Variants in TLK2 observed in about 807,000 individuals in gnomAD.
TLK2 encodes the protein tousled like kinase 2.
Under a neutral mutation model 117.3 loss-of-function variants are expected in TLK2, and 6 were observed. That is an observed-to-expected ratio of 0.05 (90% CI 0.03 to 0.10). TLK2 has a LOEUF of 0.10. Ranked by LOEUF, TLK2 falls within the 10% of genes least tolerant of loss-of-function variation. The pLI is 1.00. For missense variants in TLK2, 299 were observed against 901.2 expected, an observed-to-expected ratio of 0.33 and a Z score of 8.56; for synonymous variants, 257 against 316.7, an observed-to-expected ratio of 0.81 and a Z score of 2.00.
chr17:62,527,417 A>T (rs2076436639), intron 6 of TLK2, among the ~76,000 whole-genome samples: 2 of 152,252 alleles, frequency 1.3e-5, no homozygotes, highest in Non-Finnish European at 2.9e-5. Context: ...CAAACTCTAC[A>T]AGCACAAGAA....
intron 7 of TLK2, among the ~76,000 whole-genome samples, chr17:62,540,423 T>TTTTTTTTTTTTTTTTTTTTAAA: frequency 7.7e-6 from 1 of 130,052 alleles, no homozygotes; most frequent in Non-Finnish European, 1.6e-5. Context: ...TTTTTTTTTT[T>TTTTTTTTTTTTTTTTTTTTAAA]GAGACAGAGT....
chr17:62,492,497 G>A (rs973039317), intron 2 of TLK2, among the ~76,000 whole-genome samples: 8 of 151,052 alleles, frequency 5.3e-5, no homozygotes, highest in African/African-American at 1.9e-4. Flanking sequence ...TTACTCTGTC[G>A]CCCAGGCTGG....
upstream of TLK2, among the ~76,000 whole-genome samples, chr17:62,474,767 TCCACTG>T (rs1389099180): frequency 6.6e-6 from 1 of 151,596 alleles, no homozygotes; most frequent in Admixed American, 6.6e-5. Context: ...GGTCAAGTGA[TCCACTG>T]CCTCGGCCTC....
intron 20 of TLK2, among the ~76,000 whole-genome samples, chr17:62,606,486 C>A (rs1342541438): frequency 6.6e-6 from 1 of 152,134 alleles, no homozygotes; most frequent in Non-Finnish European, 1.5e-5. Context: ...TTTTGCTGTT[C>A]TCAATTAGAT....
At chr17:62,581,542 G>C (rs1261219091) in intron 15 of TLK2, among the ~76,000 whole-genome samples, 1 of 150,138 alleles carries the variant, frequency 6.7e-6, no homozygotes, top group African/African-American at 2.5e-5. Flanking sequence ...GAGCTGAAGT[G>C]TACTCCCATC....
At chr17:62,477,016 G>C (rs2071068946), upstream of TLK2, among the ~76,000 whole-genome samples, 1 of 151,946 alleles carries the variant, frequency 6.6e-6, no homozygotes. Context: ...GCTTGAACCC[G>C]GGTGGCAGAG....
In TLK2 at chr17:62,615,028, T is replaced by C. The variant is rs1305306596; in HGVS notation, c.*2463T>C. 6.6e-6 allele frequency: 1 copy of C among 152,236 alleles called. No homozygotes were observed. Among genetic ancestry groups the C allele is most frequent in the Admixed American group, 6.5e-5 (1 of 15,282 alleles). The allele number at this position is 152,236 out of a possible 1,614,324, so 9.4% of individuals were successfully genotyped here. ...CTTTCTTTAAGCCTTCCCAGTAACT[T>C]CCTGCCTTTTTTTTCCCCGTGGGCT... On this transcript the variant is annotated 3_prime_UTR_variant, in exon 22 of 22. Transcript: ENST00000346027.
In TLK2 at chr17:62,542,500, TGTTTA is replaced by T. The variant is rs919428774; in HGVS notation, c.531+6167_531+6171del. Among the ~76,000 whole-genome samples, 195 of 152,336 alleles carry T rather than the reference TGTTTA, an allele frequency of 1.3e-3. 2 individuals are homozygous for T. The highest frequency in any genetic ancestry group is 4.4e-3 in the African/African-American group (183 of 41,574). ...ACCCAGTCTTTCTTTCTTTTTCAGT[TGTTTA>T]GTTATTGTTACAGTATGAGTGTTTG... On this transcript the variant is annotated intron_variant, in intron 7 of 21. Transcript: ENST00000346027.
chr17:62,495,091 C>T lies in TLK2; in HGVS notation c.81+13885C>T, dbSNP rs562616229. On this transcript the variant is annotated intron_variant, in intron 2 of 21. Transcript: ENST00000346027. ...CTGAGGCAGGAGGATCACTTGAACCCGGGAGGCGGAGGTTGCTGTGAGCCA... is the reference window on the plus strand; with the variant it reads ...CTGAGGCAGGAGGATCACTTGAACCTGGGAGGCGGAGGTTGCTGTGAGCCA... Among the ~76,000 whole-genome samples the T allele has an allele frequency of 7.9e-5, 12 of 152,006 alleles. No individual in the cohort carries two copies. In the South Asian group the frequency reaches 8.3e-4, roughly 11 times the overall value.
At position 62,549,419 on chromosome 17, in the gene TLK2, A is replaced by AAAAAAAAAAAAAAAT. The variant is rs2078239377; in HGVS notation, c.532-2869_532-2868insTAAAAAAAAAAAAAA. 2.1e-3 allele frequency among the ~76,000 whole-genome samples: 16 copies of AAAAAAAAAAAAAAAT among 7,758 alleles called. 2 individuals carry two copies. Among genetic ancestry groups the AAAAAAAAAAAAAAAT allele is most frequent in the Non-Finnish European group, 6.2e-3 (13 of 2,092 alleles). The allele number at this position is 7,758 out of a possible 152,430, so 5.1% of individuals were successfully genotyped here. On this transcript the variant is annotated intron_variant, in intron 7 of 21. Coordinates refer to ENST00000346027, the MANE Select transcript of TLK2 (RefSeq NM_006852.6). ...ATCTCAAAAAAAAAAAAAAAAAAAA[A>AAAAAAAAAAAAAAAT]AAAAAAAAAAAAAAAAAATAGAAAC...
chr17:62,541,532 G>A (rs911810479), intron 7 of TLK2, among the ~76,000 whole-genome samples: 21 of 152,198 alleles, frequency 1.4e-4, no homozygotes, highest in African/African-American at 4.8e-4. Context: ...AAAATAGCAG[G>A]TGGCAGAATA....
intron 2 of TLK2, among the ~76,000 whole-genome samples, chr17:62,510,497 A>G (rs1417824633): frequency 1.3e-5 from 2 of 152,208 alleles, no homozygotes; most frequent in Admixed American, 1.3e-4. Flanking sequence ...GGCAACCATA[A>G]CAGATACCAC....
chr17:62,532,225 T>G (rs1025734808), intron 6 of TLK2, among the ~76,000 whole-genome samples: 2 of 151,930 alleles, frequency 1.3e-5, no homozygotes, highest in African/African-American at 4.8e-5. Context: ...ATCTGTATAG[T>G]TTTTTTCCCC....
intron 2 of TLK2, among the ~76,000 whole-genome samples, chr17:62,513,584 C>G (rs997280542): frequency 1.3e-5 from 2 of 152,042 alleles, no homozygotes; most frequent in Non-Finnish European, 2.9e-5. Flanking sequence ...TATCCTCCCA[C>G]CTCATGCTCT....
intron 6 of TLK2, among the ~76,000 whole-genome samples, chr17:62,530,283 A>C (rs1274133792): frequency 6.6e-6 from 1 of 152,014 alleles, no homozygotes; most frequent in African/African-American, 2.4e-5. Flanking sequence ...GAAACAAACA[A>C]ACAAACAAAC....
intron 16 of TLK2, among the ~76,000 whole-genome samples, chr17:62,586,772 G>A (rs2081637446): frequency 6.6e-6 from 1 of 151,338 alleles, no homozygotes; most frequent in East Asian, 1.9e-4. Context: ...AGTGAGCCGA[G>A]ATCACGTCAC....
At chr17:62,595,003 C>T (rs1484649945) in intron 16 of TLK2, among the ~76,000 whole-genome samples, 1 of 152,152 alleles carries the variant, frequency 6.6e-6, no homozygotes, top group Middle Eastern at 3.2e-3. Context: ...ACTTTATCAC[C>T]CAGGCTAGAG....
chr17:62,548,250 G>A (rs1483791793), intron 7 of TLK2, among the ~76,000 whole-genome samples: 16 of 149,182 alleles, frequency 1.1e-4, no homozygotes, highest in African/African-American at 3.5e-4. Context: ...ATGTGTGTGT[G>A]TGTGTGTGTG....
At chr17:62,597,294 C>A (rs1420904468) in intron 17 of TLK2, 1 of 152,184 alleles carries the variant, frequency 6.6e-6, no homozygotes, top group Non-Finnish European at 1.5e-5. Context: ...CTTTCACTTA[C>A]CATGGTGTTG....
Sources: allele counts gnomAD v4.1 joint callset (sites outside exome capture counted in the v4.1 genomes callset), GRCh38; gene constraint gnomAD v4.1.1; transcripts MANE v1.5; gene names NCBI Gene and HGNC (gene_info 2026-07-23, HGNC 2026-07-21).